The following SH3PXD2A variants were observed in gnomAD, a reference collection of about 807,000 sequenced individuals.
The protein encoded by SH3PXD2A is SH3 and PX domain-containing protein 2A.
Under a neutral mutation model 115.2 loss-of-function variants are expected in SH3PXD2A, and 32 were observed. The observed-to-expected ratio is 0.28, with a 90% CI of 0.21 to 0.37. The LOEUF (loss-of-function observed/expected upper bound fraction) is 0.37. Ranked by LOEUF, SH3PXD2A falls within the 10% of genes least tolerant of loss-of-function variation. The pLI is 1.00. For synonymous variants in SH3PXD2A, 610 were observed against 629.1 expected (o/e 0.97, Z 0.45); for missense variants, 1,328 against 1,498.7 (o/e 0.89, Z 1.88).
At chr10:103,739,141 G>T (rs1276876269) in intron 3 of SH3PXD2A, among the ~76,000 whole-genome samples, 1 of 152,178 alleles carries the variant, frequency 6.6e-6, no homozygotes, top group Non-Finnish European at 1.5e-5. Context: ...GGAGGGATAG[G>T]TTGGGGTGGG....
At position 103,668,480 on chromosome 10, in the gene SH3PXD2A, C is replaced by T. The variant is rs368633969; in HGVS notation, c.472+128G>A. 1.2e-5 allele frequency: 10 copies of T among 817,928 alleles called. No individual in the cohort carries two copies. In the African/African-American group the frequency reaches 1.7e-4, roughly 14 times the overall value. The allele number at this position is 817,928 out of a possible 1,614,324, so 50.7% of individuals were successfully genotyped here. A position where few individuals can be genotyped will look rare whatever the true frequency, so the allele number is the denominator to read the frequency against. The stretch of plus-strand genomic sequence containing the variant: ...AGAGGGCACAGCAAGTGGCAGACCC[C>T]CTGCCATGCTGGCAAACAGCTGCTG... On this transcript the variant is annotated intron_variant, in intron 7 of 14. Coordinates refer to ENST00000369774, the MANE Select transcript of SH3PXD2A (RefSeq NM_001394015.1).
At chr10:103,714,920 G>T (rs1475794459) in intron 5 of SH3PXD2A, among the ~76,000 whole-genome samples, 1 of 152,242 alleles carries the variant, frequency 6.6e-6, no homozygotes, top group African/African-American at 2.4e-5. Flanking sequence ...CCCCAGGAGA[G>T]ACAGGGACTT....
At chr10:103,611,749 T>A in intron 12 of SH3PXD2A, 119 bp from the exon 13 acceptor site, 1 of 824,860 alleles carries the variant, frequency 1.2e-6, no homozygotes, top group Non-Finnish European at 2.1e-6. Context: ...TAGCTCAGCC[T>A]TTATGAAGGA....
chr10:103,830,179 G>A (rs2039470656), intron 1 of SH3PXD2A, among the ~76,000 whole-genome samples: 1 of 152,250 alleles, frequency 6.6e-6, no homozygotes, highest in Admixed American at 6.5e-5. Context: ...AAAACTGGCT[G>A]AGTTCTTAAG....
chr10:103,678,267 C>G (rs1156869795), intron 6 of SH3PXD2A: 4 of 628,210 alleles, frequency 6.4e-6, no homozygotes, highest in African/African-American at 1.9e-5. Flanking sequence ...CCAGACCAAT[C>G]CCCTGAGCGC....
At chr10:103,719,705 C>CTT (rs771190727) in intron 5 of SH3PXD2A, among the ~76,000 whole-genome samples, 1 of 136,468 alleles carries the variant, frequency 7.3e-6, no homozygotes, top group Non-Finnish European at 1.6e-5. Context: ...ATTTCTTTTT[C>CTT]TTTTTTTTTT....
At chr10:103,808,308 G>A (rs2039228589) in intron 1 of SH3PXD2A, among the ~76,000 whole-genome samples, 1 of 151,494 alleles carries the variant, frequency 6.6e-6, no homozygotes. Flanking sequence ...GTGGAGTGCA[G>A]TGGCGTGATC....
chr10:103,661,098 G>C lies in SH3PXD2A; in HGVS notation c.489C>G (p.Ala163=), dbSNP rs758670956. ...CGTACTGTTCCAGGATCATGGGCTC[G>C]GCGGTGGCGTCGGCACCTGGCGAGG... ...KKDVTGADAT[A]EPMILEQYVV... Residue 163 remains alanine (A), a synonymous_variant, in exon 8 of 15, where the codon GCC becomes GCG. Transcript: ENST00000369774. 6.2e-6 allele frequency: 10 copies of C among 1,613,352 alleles called. No individual in the cohort carries two copies. The highest frequency in any genetic ancestry group is 3.4e-6 in the Non-Finnish European group (4 of 1,179,692).
intron 13 of SH3PXD2A, among the ~76,000 whole-genome samples, chr10:103,606,951 C>T (rs371961112): frequency 1.8e-4 from 27 of 151,672 alleles, no homozygotes; most frequent in African/African-American, 2.9e-4. Context: ...TCTGCCTGGC[C>T]GCCCATCGTC....
Position 103,823,549 on chromosome 10 carries a change from C to T in SH3PXD2A, c.73-22187G>A, listed in dbSNP as rs1046717067. ...CTGGAGACAGCCATACATCATTAAG[C>T]CCATGTAACCCATATACAAATCCTT... is the stretch of plus-strand genomic sequence containing the variant. On this transcript the variant is annotated intron_variant, in intron 1 of 14. Coordinates refer to ENST00000369774, the MANE Select transcript of SH3PXD2A (RefSeq NM_001394015.1). Among the ~76,000 whole-genome samples, 3 of 152,192 alleles carry T rather than the reference C, an allele frequency of 2.0e-5. No homozygotes were observed. The South Asian group carries it at 6.2e-4, about 32-fold the overall frequency.
In SH3PXD2A at chr10:103,758,267, C is replaced by T. The variant is rs377489241; in HGVS notation, c.229+8827G>A. Among the ~76,000 whole-genome samples, 8 of 152,124 alleles carry T rather than the reference C, an allele frequency of 5.3e-5. No individual in the cohort carries two copies. The East Asian group carries it at 7.7e-4, about 15-fold the overall frequency. The stretch of plus-strand genomic sequence containing the variant: ...GTTCTTCAAACATATACCGGTGGTC[C>T]GACTAAGGTTACTGTTCTTGCTGTC... On this transcript the variant is annotated intron_variant, in intron 3 of 14. Transcript: ENST00000369774.
intron 2 of SH3PXD2A, among the ~76,000 whole-genome samples, chr10:103,789,672 G>A (rs1175972425): frequency 2.0e-5 from 3 of 152,208 alleles, no homozygotes; most frequent in African/African-American, 4.8e-5. Flanking sequence ...TCCAAAGAGG[G>A]GTAAGATGAA....
intron 1 of SH3PXD2A, among the ~76,000 whole-genome samples, chr10:103,815,207 G>T (rs1338605508): frequency 6.6e-6 from 1 of 151,952 alleles, no homozygotes; most frequent in African/African-American, 2.4e-5. Flanking sequence ...AAACAAACTG[G>T]ACTTCATCAA....
intron 1 of SH3PXD2A, among the ~76,000 whole-genome samples, chr10:103,845,339 A>AG (rs1344044511): frequency 1.9e-5 from 2 of 107,986 alleles, no homozygotes; most frequent in East Asian, 5.0e-4. Flanking sequence ...TCAAAAAAAA[A>AG]AAAAAAGAAA....
intron 13 of SH3PXD2A, among the ~76,000 whole-genome samples, chr10:103,606,914 C>G (rs1417186044): frequency 1.3e-5 from 2 of 151,720 alleles, no homozygotes; most frequent in East Asian, 2.0e-4. Context: ...GCCCGGCCGC[C>G]ACCCCGTCTG....
intron 6 of SH3PXD2A, among the ~76,000 whole-genome samples, chr10:103,686,745 A>ATTT (rs760028346): frequency 0.054 from 6,901 of 128,506 alleles, 320 homozygotes; most frequent in Non-Finnish European, 0.079. Flanking sequence ...TTGCTGGGGA[A>ATTT]TTTTTTTTTT....
intron 4 of SH3PXD2A, among the ~76,000 whole-genome samples, chr10:103,727,016 GC>G (rs1431570349): frequency 1.1e-4 from 16 of 152,294 alleles, no homozygotes; most frequent in African/African-American, 3.8e-4. Context: ...CCTATCCTTG[GC>G]CCCTTGACTC....
intron 5 of SH3PXD2A, among the ~76,000 whole-genome samples, chr10:103,708,466 A>G (rs1017524719): frequency 8.5e-5 from 13 of 152,124 alleles, no homozygotes; most frequent in African/African-American, 2.9e-4. Context: ...TAGGAAACAC[A>G]GGCTTTTTGG....
At chr10:103,820,132 C>G (rs1050277960) in intron 1 of SH3PXD2A, among the ~76,000 whole-genome samples, 2 of 152,180 alleles carry the variant, frequency 1.3e-5, no homozygotes. Flanking sequence ...CTTTGTTTCA[C>G]GCTCAATTCG....
Sources: gnomAD v4.1 joint callset for allele counts (sites outside exome capture counted in the v4.1 genomes callset) on GRCh38, gnomAD v4.1.1 for gene constraint, MANE v1.5 for transcripts, NCBI Gene and HGNC (gene_info 2026-07-23, HGNC 2026-07-21) for gene names.